FRYL: variants seen among roughly 807,000 people sequenced by gnomAD.
FRYL encodes the protein protein furry homolog-like.
FRYL carries 150 observed loss-of-function variants against 351.2 expected under a neutral mutation model. That is an observed-to-expected ratio of 0.43 (90% CI 0.37 to 0.49). The LOEUF (loss-of-function observed/expected upper bound fraction) is 0.49, where lower values mean the gene tolerates loss of function less well. Ranked by LOEUF, FRYL falls within the 20% of genes least tolerant of loss-of-function variation. FRYL has a pLI of 0.00. For synonymous variants in FRYL, 1,153 were observed against 1,257.1 expected (o/e 0.92, Z 1.75); for missense variants, 3,036 against 3,619.3 (o/e 0.84, Z 4.13).
chr4:48,599,601 A>C (rs1202745837), intron 13 of FRYL, among the ~76,000 whole-genome samples: 3 of 152,186 alleles, frequency 2.0e-5, no homozygotes, highest in Admixed American at 6.5e-5. Context: ...TATATCCAAC[A>C]ACATTCCTTA....
chr4:48,724,569 G>T (rs1232882786), intron 1 of FRYL, among the ~76,000 whole-genome samples: 1 of 152,210 alleles, frequency 6.6e-6, no homozygotes. Context: ...AGCTCCAGGA[G>T]TTGGGTGCGG....
intron 3 of FRYL, among the ~76,000 whole-genome samples, chr4:48,659,912 GAGAAGGAGAAGA>G (rs1760316466): frequency 9.6e-3 from 1 of 104 alleles, no homozygotes; most frequent in African/African-American, 0.01. Context: ...GAAGGAGAAG[GAGAAGGAGAAGA>G]AGAAGAAGAA....
intron 2 of FRYL, among the ~76,000 whole-genome samples, chr4:48,697,164 T>G (rs1163152672): frequency 6.6e-6 from 1 of 152,118 alleles, no homozygotes. Context: ...TATTTTTATA[T>G]ACTATAAAAT....
intron 1 of FRYL, among the ~76,000 whole-genome samples, chr4:48,730,713 C>T (rs573212330): frequency 2.6e-5 from 4 of 152,286 alleles, no homozygotes; most frequent in African/African-American, 9.6e-5. Context: ...GCCTGCCTTA[C>T]AACAGCTCCT....
At chr4:48,638,279 AATT>A (rs1187028114) in intron 3 of FRYL, 1 of 152,182 alleles carries the variant, frequency 6.6e-6, no homozygotes, top group East Asian at 1.9e-4. Flanking sequence ...GTATTACAAT[AATT>A]ATTATTTATA....
intron 1 of FRYL, among the ~76,000 whole-genome samples, chr4:48,723,746 T>G (rs1769751738): frequency 6.6e-6 from 1 of 151,998 alleles, no homozygotes. Flanking sequence ...ATGATACTCC[T>G]GCATCTCCTC....
intron 3 of FRYL, among the ~76,000 whole-genome samples, chr4:48,683,106 C>G (rs1382885723): frequency 2.6e-5 from 4 of 152,132 alleles, no homozygotes; most frequent in African/African-American, 7.2e-5. Context: ...AGAATGAGTT[C>G]ATGTCCTTTG....
In FRYL at chr4:48,685,101, C is replaced by T. The variant is rs190210537; in HGVS notation, c.-203-306G>A. Among the ~76,000 whole-genome samples, 414 of 152,310 alleles carry T rather than the reference C, an allele frequency of 2.7e-3. 3 individuals are homozygous for T. The highest frequency in any genetic ancestry group is 9.1e-3 in the African/African-American group (377 of 41,570). On this transcript the variant is annotated intron_variant, in intron 2 of 63. Coordinates refer to ENST00000358350, the MANE Select transcript of FRYL (RefSeq NM_015030.2). ...CCACTTTCCCCAACCTCTATCCCAC[C>T]ACTCTGGATTATTCTAAAGCAAATT...
At chr4:48,609,873 T>A (rs1747697929) in intron 7 of FRYL, 50 bp from the exon 8 acceptor site, 1 of 947,934 alleles carries the variant, frequency 1.1e-6, no homozygotes, top group Non-Finnish European at 1.6e-6. Flanking sequence ...TGGTTTTTTA[T>A]GAGTATTCTC....
intron 11 of FRYL, among the ~76,000 whole-genome samples, chr4:48,604,241 A>G (rs1193023392): frequency 6.6e-6 from 1 of 152,236 alleles, no homozygotes; most frequent in Non-Finnish European, 1.5e-5. Context: ...GTAAAGAAAG[A>G]GAAGCCAGCC....
chr4:48,761,309 C>T (rs923380024), intron 1 of FRYL, among the ~76,000 whole-genome samples: 3 of 151,990 alleles, frequency 2.0e-5, no homozygotes, highest in South Asian at 2.1e-4. Flanking sequence ...TATATAAAAT[C>T]GTGGGTGCAT....
At position 48,651,821 on chromosome 4, in the gene FRYL, CAAAG is replaced by C. The variant is rs1451606790; in HGVS notation, c.-80-17335_-80-17332del. ...CTCATACAACAAAGATAAGTGAAGA[CAAAG>C]AAGACACCCACAGATACTGGTGAAA... is the stretch of plus-strand genomic sequence containing the variant. On this transcript the variant is annotated intron_variant, in intron 3 of 63. Coordinates refer to ENST00000358350, the MANE Select transcript of FRYL (RefSeq NM_015030.2). Among the ~76,000 whole-genome samples the C allele has an allele frequency of 3.9e-5, 6 of 152,284 alleles. No homozygotes were observed. The East Asian group carries it at 1.2e-3, about 29-fold the overall frequency.
At chr4:48,575,691 A>T (rs73817809) in intron 24 of FRYL, among the ~76,000 whole-genome samples, 1 of 152,222 alleles carries the variant, frequency 6.6e-6, no homozygotes, top group East Asian at 1.9e-4. Flanking sequence ...AAAGGCGTTT[A>T]ATTATTTAAA....
In FRYL at chr4:48,583,403, G is replaced by A. The variant is rs371306009; in HGVS notation, c.1749-669C>T. ...CCTGACCTCATGATCTGCCCGCCTC[G>A]GCCTCCCAAAGTGCTGGGATTACGG... On this transcript the variant is annotated intron_variant, in intron 19 of 63. Transcript: ENST00000358350. Among the ~76,000 whole-genome samples, 216 of 152,036 alleles carry A rather than the reference G, an allele frequency of 1.4e-3. 1 individual carries two copies. Among genetic ancestry groups the A allele is most frequent in the African/African-American group, 4.6e-3 (192 of 41,474 alleles).
At chr4:48,750,443 A>G (rs926099511) in intron 1 of FRYL, among the ~76,000 whole-genome samples, 6 of 152,076 alleles carry the variant, frequency 3.9e-5, no homozygotes, top group South Asian at 2.1e-4. Flanking sequence ...CCTGGGTGAC[A>G]AAGTCAGATC....
intron 3 of FRYL, among the ~76,000 whole-genome samples, chr4:48,662,204 G>A (rs187505850): frequency 3.7e-4 from 57 of 152,170 alleles, no homozygotes; most frequent in African/African-American, 1.2e-3. Flanking sequence ...ACTTCAGGAA[G>A]CCAAGGCGGG....
At chr4:48,695,985 T>G (rs1397990453) in intron 2 of FRYL, among the ~76,000 whole-genome samples, 1 of 152,026 alleles carries the variant, frequency 6.6e-6, no homozygotes, top group East Asian at 1.9e-4. Flanking sequence ...AAATACCATC[T>G]CACGCCAGTC....
intron 43 of FRYL, 72 bp from the exon 44 acceptor site, chr4:48,544,069 A>G: frequency 1.5e-6 from 2 of 1,304,498 alleles, no homozygotes; most frequent in Admixed American, 3.8e-5. Flanking sequence ...ATCAGAAGTG[A>G]ATCATCTTAA....
chr4:48,748,506 C>G (rs1772912473), intron 1 of FRYL, among the ~76,000 whole-genome samples: 1 of 152,174 alleles, frequency 6.6e-6, no homozygotes, highest in Non-Finnish European at 1.5e-5. Flanking sequence ...CCTCCTTTTT[C>G]CTCCTTCCTC....
Sources: gnomAD v4.1 joint callset for allele counts (sites outside exome capture counted in the v4.1 genomes callset) on GRCh38, gnomAD v4.1.1 for gene constraint, MANE v1.5 for transcripts, NCBI Gene and HGNC (gene_info 2026-07-23, HGNC 2026-07-21) for gene names.